HNRNPA3: variants seen among roughly 807,000 people sequenced by gnomAD.
HNRNPA3 encodes heterogeneous nuclear ribonucleoprotein A3.
In HNRNPA3, 3 loss-of-function variants were observed where a neutral mutation model predicts 45.8. The observed-to-expected ratio is 0.07, with a 90% CI of 0.03 to 0.17. The LOEUF (loss-of-function observed/expected upper bound fraction) is 0.17, where lower values mean the gene tolerates loss of function less well. Among genes scored for constraint, HNRNPA3 ranks in the 10% least tolerant of loss-of-function variants. The probability of loss-of-function intolerance (pLI) is 1.00; values close to 1 mark genes in which losing one functional copy is unlikely to be tolerated. For synonymous variants in HNRNPA3, 170 were observed against 155.6 expected, an observed-to-expected ratio of 1.09 and a Z score of -0.69; for missense variants, 183 against 480.3, an observed-to-expected ratio of 0.38 and a Z score of 5.79.
chr2:177,213,228 A>G (rs911188521), intron 1 of HNRNPA3, among the ~76,000 whole-genome samples: 8 of 152,200 alleles, frequency 5.3e-5, no homozygotes, highest in African/African-American at 1.9e-4. Flanking sequence ...ACGAGCAGGC[A>G]CATCCGGGCG....
At chr2:177,217,807 G>T (rs1003463487) in exon 8 of HNRNPA3, 2 of 1,602,714 alleles carry the variant, frequency 1.2e-6, no homozygotes, top group Non-Finnish European at 1.7e-6. Flanking sequence ...GGAGGTGGAG[G>T]ATATGATGGT....
downstream of HNRNPA3, chr2:177,223,418 A>AT (rs1226190134): frequency 2.0e-5 from 3 of 152,256 alleles, no homozygotes; most frequent in East Asian, 3.9e-4. Flanking sequence ...AAGTTGTTAT[A>AT]TAAGTGATTG....
chr2:177,218,063 T>C (rs1037054824), intron 8 of HNRNPA3, among the ~76,000 whole-genome samples: 25 of 16,492 alleles, frequency 1.5e-3, no homozygotes, highest in Non-Finnish European at 4.3e-3. Flanking sequence ...TTTTTTTTTT[T>C]TTTTTTTTTT....
chr2:177,213,802 T>C (rs1558967547), intron 1 of HNRNPA3, among the ~76,000 whole-genome samples: 1 of 152,266 alleles, frequency 6.6e-6, no homozygotes, highest in Non-Finnish European at 1.5e-5. Context: ...GCTCTGGTTG[T>C]AGTTTCCTGG....
chr2:177,215,263 T>C (rs1027450746), intron 1 of HNRNPA3, among the ~76,000 whole-genome samples: 1 of 152,004 alleles, frequency 6.6e-6, no homozygotes, highest in Non-Finnish European at 1.5e-5. Flanking sequence ...CCCAGCTAAT[T>C]TTTGTGTTTT....
In HNRNPA3 at chr2:177,219,323, C is replaced by G; in HGVS notation, c.*15+9C>G. 6.3e-7 allele frequency: 1 copy of G among 1,590,270 alleles called. No homozygotes were observed. The highest frequency in any genetic ancestry group is 8.6e-7 in the Non-Finnish European group (1 of 1,164,584). On this transcript the variant is annotated intron_variant, in intron 10 of 10. Transcript: ENST00000392524. ...AAAAACAGCAGAAAAGGGTAGGTAT[C>G]TTTAAATTTTTATTATGATGATAAA...
chr2:177,223,138 A>G (rs1429950086), downstream of HNRNPA3: 1 of 152,332 alleles, frequency 6.6e-6, no homozygotes, highest in East Asian at 1.9e-4. Flanking sequence ...CTACATGAAG[A>G]AGCAGTTTGC....
chr2:177,213,977 CG>C (rs1161349969), intron 1 of HNRNPA3, among the ~76,000 whole-genome samples: 1 of 152,174 alleles, frequency 6.6e-6, no homozygotes, highest in East Asian at 1.9e-4. Flanking sequence ...AGGCTATTAA[CG>C]TTTTTTTCTA....
intron 1 of HNRNPA3, among the ~76,000 whole-genome samples, 155 bp from the exon 2 acceptor site, chr2:177,215,384 C>A (rs925413362): frequency 5.3e-5 from 8 of 152,118 alleles, no homozygotes; most frequent in Non-Finnish European, 1.0e-4. Context: ...CATGAGACAT[C>A]GCGCCGGTGT....
At chr2:177,214,657 C>T (rs899135307) in intron 1 of HNRNPA3, among the ~76,000 whole-genome samples, 1 of 152,078 alleles carries the variant, frequency 6.6e-6, no homozygotes, top group Non-Finnish European at 1.5e-5. Flanking sequence ...TAGCTGGGCG[C>T]GGTGGCGGGC....
chr2:177,217,065 A>G, intron 7 of HNRNPA3, 125 bp downstream of exon 7: 1 of 1,053,498 alleles, frequency 9.5e-7, no homozygotes, highest in Non-Finnish European at 1.3e-6. Flanking sequence ...GTATTTCCAA[A>G]CTGTACATGG....
At chr2:177,212,961 G>C in intron 1 of HNRNPA3, 90 bp downstream of exon 1, 2 of 860,806 alleles carry the variant, frequency 2.3e-6, no homozygotes, top group East Asian at 3.3e-5. Context: ...GGACCGGGTC[G>C]GCCGTCCCGC....
At chr2:177,216,127 A>C in exon 4 of HNRNPA3, 1 of 1,581,366 alleles carries the variant, frequency 6.3e-7, no homozygotes, top group Non-Finnish European at 8.6e-7. Context: ...GGCAGAGTGG[A>C]AAAAAGAGAG....
chr2:177,212,834 C>T (rs909679127), exon 1 of HNRNPA3: 1 of 1,557,080 alleles, frequency 6.4e-7, no homozygotes, highest in Non-Finnish European at 8.7e-7. Flanking sequence ...CGCCCCCAGC[C>T]CGACTCCGGC....
chr2:177,215,488 CTTAA>C, intron 1 of HNRNPA3, 47 bp from the exon 2 acceptor site: 2 of 1,585,346 alleles, frequency 1.3e-6, no homozygotes, highest in Non-Finnish European at 1.7e-6. Flanking sequence ...CTTCGTGCAT[CTTAA>C]TTCATCTACT....
At chr2:177,216,963 T>C (rs2105431541) in intron 7 of HNRNPA3, 23 bp downstream of exon 7, 1 of 1,468,980 alleles carries the variant, frequency 6.8e-7, no homozygotes, top group South Asian at 1.3e-5. Context: ...TTTTCATTGA[T>C]GTTTGATATT....
At chr2:177,217,160 T>C (rs1688977031) in intron 7 of HNRNPA3, among the ~76,000 whole-genome samples, 1 of 152,208 alleles carries the variant, frequency 6.6e-6, no homozygotes, top group Admixed American at 6.5e-5. Flanking sequence ...ATTGTTCTAT[T>C]AAGTCTGAGA....
intron 1 of HNRNPA3, among the ~76,000 whole-genome samples, chr2:177,215,218 T>TCGAGTAGCTGGGATTACAGA (rs1394863042): frequency 6.6e-6 from 1 of 152,004 alleles, no homozygotes; most frequent in African/African-American, 2.4e-5. Flanking sequence ...TTTTCCTTTC[T>TCGAGTAGCTGGGATTACAGA]CGAGTAGCTG....
downstream of HNRNPA3, chr2:177,221,550 CTG>C (rs1209197782): frequency 6.5e-5 from 10 of 152,716 alleles, no homozygotes; most frequent in East Asian, 1.9e-4. Context: ...CAGGTGAAAT[CTG>C]TGTATGTGAC....
Sources: allele counts gnomAD v4.1 joint callset (sites outside exome capture counted in the v4.1 genomes callset), GRCh38; gene constraint gnomAD v4.1.1; transcripts MANE v1.5; gene names NCBI Gene and HGNC (gene_info 2026-07-23, HGNC 2026-07-21).